The following HMCN1 variants were observed in gnomAD, a reference collection of about 807,000 sequenced individuals.
HMCN1 encodes the protein hemicentin 1.
HMCN1 carries 321 observed loss-of-function variants against 625.9 expected under a neutral mutation model. The observed-to-expected ratio is 0.51, with a 90% CI of 0.47 to 0.56. HMCN1 has a LOEUF of 0.56. HMCN1 is among the 20% of genes least tolerant of loss of function. The pLI, the probability that HMCN1 is intolerant of heterozygous loss-of-function variation, is 0.00. For missense variants in HMCN1, 6,588 were observed against 6,887.3 expected (o/e 0.96, Z 1.54); for synonymous variants, 2,425 against 2,417.6 (o/e 1.00, Z -0.09).
In HMCN1 at chr1:186,114,082, A is replaced by G. The variant is rs144792157; in HGVS notation, c.11235A>G (p.Thr3745=). The change falls in exon 73 of 107, where the codon ACA becomes ACG. Residue 3745 remains threonine, a synonymous_variant. Transcript: ENST00000271588. Reference sequence around the variant, plus strand: ...AAGGTGTGCCAACTCCAAGGATAACATGGAGAAAGGATGGAGCTGTTCTAG... The same window carrying G: ...AAGGTGTGCCAACTCCAAGGATAACGTGGAGAAAGGATGGAGCTGTTCTAG... ...IAEGVPTPRI[T]WRKDGAVLAG... 6.2e-7 allele frequency: 1 copy of G among 1,614,104 alleles called. No homozygotes were observed. The highest frequency in any genetic ancestry group is 8.5e-7 in the Non-Finnish European group (1 of 1,179,952).
intron 102 of HMCN1, 42 bp from the exon 103 acceptor site, chr1:186,174,472 T>A: frequency 6.2e-7 from 1 of 1,611,496 alleles, no homozygotes; most frequent in Non-Finnish European, 8.5e-7. Flanking sequence ...ACTTTGGGTT[T>A]GAAAGAGGAA....
Position 185,846,096 on chromosome 1 carries a change from G to A in HMCN1, c.339G>A (p.Gln113=). 2 of 1,605,690 alleles carry A rather than the reference G, an allele frequency of 1.2e-6. No homozygotes were observed. Among genetic ancestry groups the A allele is most frequent in the Non-Finnish European group, 1.7e-6 (2 of 1,172,602 alleles). ...FQYELRELYV[Q]GGGDCPEMSI... ...ATGAACTCAGAGAACTGTATGTTCAGGTGAGTGCTTGCTTTCAGTGTTCTC... is the reference window on the plus strand; with the variant it reads ...ATGAACTCAGAGAACTGTATGTTCAAGTGAGTGCTTGCTTTCAGTGTTCTC... The change falls in exon 2 of 107, where the codon CAG becomes CAA. Residue 113 remains glutamine, a splice_region_variant and synonymous_variant. Coordinates refer to ENST00000271588, the MANE Select transcript of HMCN1 (RefSeq NM_031935.3).
intron 29 of HMCN1, among the ~76,000 whole-genome samples, chr1:186,004,478 C>G (rs1331398756): frequency 1.3e-5 from 2 of 151,892 alleles, no homozygotes; most frequent in Non-Finnish European, 2.9e-5. Context: ...CTAATAAATA[C>G]AAACAGCAAA....
chr1:186,145,730 G>T lies in HMCN1; in HGVS notation c.14438-23G>T. ...ATTTTGAAGCCAATTTCTTAACAGT[G>T]ACCATTCCATTCTTGTTCACAGTGG... On this transcript the variant is annotated intron_variant, in intron 92 of 106. Transcript: ENST00000271588. 3 of 1,614,020 alleles carry T rather than the reference G, an allele frequency of 1.9e-6. No homozygotes were observed. In the South Asian group the frequency reaches 3.3e-5, roughly 18 times the overall value.
intron 103 of HMCN1, 91 bp downstream of exon 103, chr1:186,174,733 A>G (rs751708668): frequency 5.3e-6 from 6 of 1,137,076 alleles, no homozygotes; most frequent in Middle Eastern, 2.1e-4. Context: ...TCTATCCTCA[A>G]ATGGTCTCTT....
intron 69 of HMCN1, among the ~76,000 whole-genome samples, chr1:186,105,965 G>A (rs965346699): frequency 1.2e-4 from 18 of 152,138 alleles, no homozygotes; most frequent in African/African-American, 4.1e-4. Flanking sequence ...ATTGAATAAC[G>A]ATGTAAGTGT....
At chr1:185,909,193 T>C in intron 4 of HMCN1, 144 bp from the exon 5 acceptor site, 1 of 647,472 alleles carries the variant, frequency 1.5e-6, no homozygotes, top group Non-Finnish European at 2.8e-6. Flanking sequence ...GAAAGAGTCC[T>C]ATCTTCAGTA....
intron 63 of HMCN1, among the ~76,000 whole-genome samples, chr1:186,089,557 G>A (rs1659720008): frequency 6.6e-6 from 1 of 152,016 alleles, no homozygotes; most frequent in Non-Finnish European, 1.5e-5. Context: ...TTCAGAAGCT[G>A]AAGGAAAAAC....
At chr1:186,100,779 C>T (rs2102437091) in intron 68 of HMCN1, among the ~76,000 whole-genome samples, 1 of 152,234 alleles carries the variant, frequency 6.6e-6, no homozygotes, top group Non-Finnish European at 1.5e-5. Context: ...TGGAGGTAGG[C>T]AGTTGTTGGA....
In HMCN1 at chr1:185,989,625, G is replaced by A; in HGVS notation, c.3186G>A (p.Arg1062=). 6.2e-7 allele frequency: 1 copy of A among 1,614,094 alleles called. No individual in the cohort carries two copies. The highest frequency in any genetic ancestry group is 2.2e-5 in the East Asian group (1 of 44,852). Residue 1062 remains arginine (R), a synonymous_variant, in exon 21 of 107, where the codon AGG becomes AGA. Coordinates refer to ENST00000271588, the MANE Select transcript of HMCN1 (RefSeq NM_031935.3). ...CCAATACAGCCGGCTACGCCAAAAG[G>A]AAAGTGCAGCTAACAGTCTATGGTG... The part of the protein sequence containing the change: ...TATNTAGYAK[R]KVQLTVYVRP...
intron 11 of HMCN1, among the ~76,000 whole-genome samples, chr1:185,961,878 T>C (rs1650047608): frequency 1.3e-5 from 2 of 152,130 alleles, no homozygotes; most frequent in Admixed American, 1.3e-4. Flanking sequence ...TAGCAGGATC[T>C]TGGGAGGGGC....
chr1:186,135,427 C>A (rs148538618), intron 86 of HMCN1, among the ~76,000 whole-genome samples: 202 of 152,290 alleles, frequency 1.3e-3, no homozygotes, highest in African/African-American at 4.7e-3. Flanking sequence ...TTTAGACTCT[C>A]TTCTGAAGCA....
chr1:186,054,119 T>A, intron 44 of HMCN1, 133 bp downstream of exon 44: 1 of 916,916 alleles, frequency 1.1e-6, no homozygotes, highest in Non-Finnish European at 1.7e-6. Flanking sequence ...CACACACATT[T>A]AAATTGTGCT....
chr1:185,844,130 A>T (rs539960244), intron 1 of HMCN1, among the ~76,000 whole-genome samples: 2 of 152,294 alleles, frequency 1.3e-5, no homozygotes, highest in South Asian at 4.1e-4. Flanking sequence ...CTGACAATTT[A>T]TATGTCAGGG....
intron 2 of HMCN1, among the ~76,000 whole-genome samples, chr1:185,857,224 A>G (rs1662521995): frequency 6.6e-6 from 1 of 152,182 alleles, no homozygotes; most frequent in Non-Finnish European, 1.5e-5. Context: ...TGTTTTTCTT[A>G]GTACACGTTT....
intron 86 of HMCN1, among the ~76,000 whole-genome samples, chr1:186,136,356 A>G (rs976248647): frequency 7.9e-5 from 12 of 152,180 alleles, no homozygotes; most frequent in African/African-American, 2.4e-4. Flanking sequence ...TGAAGTAGGC[A>G]CCATTTTTAA....
intron 82 of HMCN1, among the ~76,000 whole-genome samples, chr1:186,127,841 A>G (rs1661722936): frequency 6.6e-6 from 1 of 152,174 alleles, no homozygotes; most frequent in Non-Finnish European, 1.5e-5. Flanking sequence ...CAGTTTTCTG[A>G]AATCTTACCA....
At chr1:186,165,058 C>G in intron 97 of HMCN1, 53 bp from the exon 98 acceptor site, 1 of 1,503,936 alleles carries the variant, frequency 6.6e-7, no homozygotes, top group Non-Finnish European at 9.2e-7. Flanking sequence ...GGAAAGAAGC[C>G]AGGGGCAACT....
chr1:185,847,916 A>G (rs1401072694), intron 2 of HMCN1, among the ~76,000 whole-genome samples: 1 of 152,138 alleles, frequency 6.6e-6, no homozygotes, highest in Admixed American at 6.6e-5. Flanking sequence ...TGATACTACT[A>G]CACTACAGTG....
Sources: allele counts gnomAD v4.1 joint callset (sites outside exome capture counted in the v4.1 genomes callset), GRCh38; gene constraint gnomAD v4.1.1; transcripts MANE v1.5; gene names NCBI Gene and HGNC (gene_info 2026-07-23, HGNC 2026-07-21).